Variants in ZNF445 observed in about 807,000 individuals in gnomAD.
ZNF445 encodes zinc finger protein 168.
ZNF445 carries 19 observed loss-of-function variants against 93.9 expected under a neutral mutation model. The observed-to-expected ratio is 0.20, with a 90% CI of 0.14 to 0.30. The LOEUF (loss-of-function observed/expected upper bound fraction) is 0.30, where lower values mean the gene tolerates loss of function less well. Ranked by LOEUF, ZNF445 falls within the 10% of genes least tolerant of loss-of-function variation. ZNF445 has a pLI of 1.00. For missense variants in ZNF445, 1,058 were observed against 1,259.4 expected (o/e 0.84, Z 2.42); for synonymous variants, 449 against 446.3 (o/e 1.01, Z -0.08).
intron 3 of ZNF445, among the ~76,000 whole-genome samples, chr3:44,451,738 C>T (rs910435850): frequency 6.6e-6 from 1 of 152,160 alleles, no homozygotes; most frequent in Non-Finnish European, 1.5e-5. Flanking sequence ...CACAAGGAAG[C>T]ACATGGTAAC....
chr3:44,438,985 T>C lies in ZNF445; in HGVS notation c.*7590A>G, dbSNP rs1490825178. On this transcript the variant is annotated 3_prime_UTR_variant, in exon 8 of 8. Coordinates refer to ENST00000396077, the MANE Select transcript of ZNF445 (RefSeq NM_181489.6). ...ATACATATGTAACTAACCTGCACAT[T>C]GTGCACATGTACCCTAAAAGTATAA... The C allele has an allele frequency of 2.1e-5, 3 of 139,668 alleles. No individual in the cohort carries two copies. Among genetic ancestry groups the C allele is most frequent in the Admixed American group, 7.5e-5 (1 of 13,312 alleles). The allele number at this position is 139,668 out of a possible 1,614,324, so 8.7% of individuals were successfully genotyped here. A position where few individuals can be genotyped will look rare whatever the true frequency, so the allele number is the denominator to read the frequency against.
At chr3:44,476,992 G>C (rs928142614) in intron 1 of ZNF445, among the ~76,000 whole-genome samples, 1 of 152,148 alleles carries the variant, frequency 6.6e-6, no homozygotes, top group African/African-American at 2.4e-5. Flanking sequence ...AAATTCAGGA[G>C]ATTATAATTT....
chr3:44,445,904 TA>T lies in ZNF445; in HGVS notation c.*670del, dbSNP rs1379898091. ...ATGGGAGTGCTCAGCACATTTCTGT[TA>T]AACAGATGGACCGCTGCTGCCTATG... On this transcript the variant is annotated 3_prime_UTR_variant, in exon 8 of 8. Coordinates refer to ENST00000396077, the MANE Select transcript of ZNF445 (RefSeq NM_181489.6). 6.5e-6 allele frequency: 1 copy of T among 152,800 alleles called. No homozygotes were observed. Among genetic ancestry groups the T allele is most frequent in the African/African-American group, 2.4e-5 (1 of 41,470 alleles). The allele number at this position is 152,800 out of a possible 1,614,324, so 9.5% of individuals were successfully genotyped here.
rs769828954 is a variant in ZNF445, at chr3:44,447,453, C to T, written c.2218G>A (p.Gly740Arg). 5.0e-6 allele frequency: 8 copies of T among 1,614,044 alleles called. No homozygotes were observed. The highest frequency in any genetic ancestry group is 1.7e-5 in the Admixed American group (1 of 60,004). ...KHAMKRKPEGGPSFSQDTVFQ... is the reference protein window; with the variant it reads ...KHAMKRKPEGRPSFSQDTVFQ... ...ACTGTGTCCTGACTAAAAGATGGCC[C>T]GCCCTCAGGTTTTCTTTTCATGGCA... The change falls in exon 8 of 8, where the codon GGG becomes AGG. Residue 740 changes from glycine to arginine, a missense_variant. Physicochemically the swap from Gly to Arg is moderately radical, Grantham distance 125 (BLOSUM62 -2). Coordinates refer to ENST00000396077, the MANE Select transcript of ZNF445 (RefSeq NM_181489.6). This position sits in a 1 kb window ranked among gnomAD's most constrained non-coding sequence, Gnocchi z 4.7.
rs772085004 is a variant in ZNF445 at position 44,449,549 on chromosome 3, C to T, written c.895G>A (p.Ala299Thr). ...GCAACTGGATTCCCCTTAGGCTGAGCTGCCTGCATGTTCAGGCCCCATGGC... is the reference window on the plus strand; with the variant it reads ...GCAACTGGATTCCCCTTAGGCTGAGTTGCCTGCATGTTCAGGCCCCATGGC... ...REPWGLNMQA[A>T]QPKGNPVAAP... The change falls in exon 7 of 8, where the codon GCT becomes ACT. Residue 299 changes from alanine (A) to threonine (T), a missense_variant. By Grantham distance (58) the Ala-to-Thr change is moderately conservative. This residue lies in a region of ZNF445 where 657 missense variants were observed against 746.4 expected (regional missense o/e 0.88). Coordinates refer to ENST00000396077, the MANE Select transcript of ZNF445 (RefSeq NM_181489.6). 3 of 1,614,188 alleles carry T rather than the reference C, an allele frequency of 1.9e-6. No homozygotes were observed. Among genetic ancestry groups the T allele is most frequent in the Non-Finnish European group, 2.5e-6 (3 of 1,180,032 alleles).
chr3:44,462,994 CTGAAT>C (rs983962660), intron 1 of ZNF445, among the ~76,000 whole-genome samples: 14 of 146,672 alleles, frequency 9.5e-5, no homozygotes, highest in African/African-American at 3.0e-4. Flanking sequence ...TCTCAGTCAA[CTGAAT>C]TATTTTTTTC....
chr3:44,462,966 T>C (rs1698138137), intron 1 of ZNF445, among the ~76,000 whole-genome samples: 1 of 152,084 alleles, frequency 6.6e-6, no homozygotes, highest in African/African-American at 2.4e-5. Context: ...CTTGTTTTAC[T>C]GGAAAAAGAT....
chr3:44,452,256 C>T (rs567512718), intron 3 of ZNF445, among the ~76,000 whole-genome samples: 4 of 151,978 alleles, frequency 2.6e-5, no homozygotes, highest in Non-Finnish European at 5.9e-5. Context: ...AAATCTCAGC[C>T]TGAGGCCATT....
At position 44,440,647 on chromosome 3, in the gene ZNF445, A is replaced by C. The variant is rs1161785949; in HGVS notation, c.*5928T>G. 2.6e-5 allele frequency: 4 copies of C among 152,230 alleles called. No homozygotes were observed. The highest frequency in any genetic ancestry group is 5.9e-5 in the Non-Finnish European group (4 of 68,046). The allele number at this position is 152,230 out of a possible 1,614,324, so 9.4% of individuals were successfully genotyped here. A position where few individuals can be genotyped will look rare whatever the true frequency, so the allele number is the denominator to read the frequency against. On this transcript the variant is annotated 3_prime_UTR_variant, in exon 8 of 8. Transcript: ENST00000396077. Reference sequence around the variant, plus strand: ...CCAGTCCCCAAGAGAGAGTTCTTGGACCTTGCTCAAGAAAAGAATTCGGGC... The same window carrying C: ...CCAGTCCCCAAGAGAGAGTTCTTGGCCCTTGCTCAAGAAAAGAATTCGGGC...
At chr3:44,462,313 G>A (rs1374235705) in intron 1 of ZNF445, among the ~76,000 whole-genome samples, 4 of 152,126 alleles carry the variant, frequency 2.6e-5, no homozygotes, top group African/African-American at 7.2e-5. Flanking sequence ...ACAATGTAGG[G>A]ATACTTTCTC....
At chr3:44,459,935 C>T (rs1010427727) in intron 1 of ZNF445, among the ~76,000 whole-genome samples, 7 of 152,190 alleles carry the variant, frequency 4.6e-5, no homozygotes, top group Non-Finnish European at 1.0e-4. Context: ...GGTGTGGTGG[C>T]TCACACCTGT....
At chr3:44,464,743 AAG>A (rs1454713163) in intron 1 of ZNF445, among the ~76,000 whole-genome samples, 2 of 152,312 alleles carry the variant, frequency 1.3e-5, no homozygotes, top group African/African-American at 4.8e-5. Context: ...CTATGCTAAA[AAG>A]AGTCAGACCT....
chr3:44,458,080 A>C (rs558858663), intron 2 of ZNF445, among the ~76,000 whole-genome samples, 164 bp downstream of exon 2: 1 of 151,580 alleles, frequency 6.6e-6, no homozygotes, highest in African/African-American at 2.4e-5. Context: ...TTTAGAAAAC[A>C]ATCCAGGAGG....
At chr3:44,451,621 G>A in intron 3 of ZNF445, 139 bp from the exon 4 acceptor site, 2 of 952,558 alleles carry the variant, frequency 2.1e-6, no homozygotes, top group Non-Finnish European at 3.1e-6. Flanking sequence ...CCAGGCAGGA[G>A]GAAAGGGCAA....
chr3:44,461,959 G>A lies in ZNF445; in HGVS notation c.-268-3595C>T, dbSNP rs114746917. On this transcript the variant is annotated intron_variant, in intron 1 of 7. Transcript: ENST00000396077. ...AGGGAGCCCAGAAACCTGGTATACC[G>A]GCAAAAAGGGGTAAGAAATGCTTAC... Among the ~76,000 whole-genome samples, 1,328 of 151,860 alleles carry A rather than the reference G, an allele frequency of 8.7e-3. 21 individuals carry two copies. The highest frequency in any genetic ancestry group is 0.031 in the African/African-American group (1,273 of 41,450).
chr3:44,451,074 G>T (rs1697950204), intron 4 of ZNF445, 112 bp from the exon 5 acceptor site: 2 of 1,037,894 alleles, frequency 1.9e-6, no homozygotes, highest in Non-Finnish European at 2.8e-6. Flanking sequence ...ACATAATGTT[G>T]TTAAATACCC....
Position 44,433,611 on chromosome 3 carries a change from GA to G in ZNF445, c.*12963del, listed in dbSNP as rs918224768. 10 of 152,504 alleles carry G rather than the reference GA, an allele frequency of 6.6e-5. No homozygotes were observed. The highest frequency in any genetic ancestry group is 1.9e-4 in the African/African-American group (8 of 41,464). 9.4% of individuals were successfully genotyped at this position (152,504 alleles called of 1,614,324 possible). A position where few individuals can be genotyped will look rare whatever the true frequency, so the allele number is the denominator to read the frequency against. On this transcript the variant is annotated 3_prime_UTR_variant, in exon 8 of 8. Coordinates refer to ENST00000396077, the MANE Select transcript of ZNF445 (RefSeq NM_181489.6). ...GAAATGCCCAGGGAGGGAGACTGGA[GA>G]AGGTTCAGGGACCAAGTTCTGGCTT...
At chr3:44,456,675 T>C (rs553575380) in intron 2 of ZNF445, among the ~76,000 whole-genome samples, 1 of 152,182 alleles carries the variant, frequency 6.6e-6, no homozygotes, top group South Asian at 2.1e-4. Flanking sequence ...TATAATATTT[T>C]AAAATATCTC....
intron 1 of ZNF445, among the ~76,000 whole-genome samples, chr3:44,466,666 A>G (rs1698199756): frequency 6.6e-6 from 1 of 152,172 alleles, no homozygotes; most frequent in Non-Finnish European, 1.5e-5. Context: ...TCCTCTTTAA[A>G]AGATGGTTTT....
Sources: gnomAD v4.1 joint callset for allele counts (sites outside exome capture counted in the v4.1 genomes callset) on GRCh38, gnomAD v4.1.1 for gene constraint, gnomAD v4.1.1 regional missense constraint, Gnocchi (gnomAD v3.1) non-coding constraint, MANE v1.5 for transcripts, NCBI Gene and HGNC (gene_info 2026-07-23, HGNC 2026-07-21) for gene names.